GLIS3: variants seen among roughly 807,000 people sequenced by gnomAD.
GLIS3 encodes GLIS family zinc finger 3.
GLIS3 carries 53 observed loss-of-function variants against 78.6 expected under a neutral mutation model. The observed-to-expected ratio is 0.67, with a 90% CI of 0.54 to 0.85. The LOEUF (loss-of-function observed/expected upper bound fraction) is 0.85. Ranked by LOEUF, GLIS3 falls within the 40% of genes least tolerant of loss-of-function variation. The pLI is 0.00. For synonymous variants in GLIS3, 684 were observed against 509.9 expected (o/e 1.34, Z -4.60); for missense variants, 1,703 against 1,231.1 (o/e 1.38, Z -5.74).
chr9:4,224,114 G>C (rs1166860250), intron 2 of GLIS3, among the ~76,000 whole-genome samples: 1 of 152,086 alleles, frequency 6.6e-6, no homozygotes, highest in African/African-American at 2.4e-5. Flanking sequence ...CACACACAGT[G>C]GGCTCAGAGC....
At chr9:4,260,066 T>C (rs1825362342) in intron 2 of GLIS3, among the ~76,000 whole-genome samples, 1 of 129,916 alleles carries the variant, frequency 7.7e-6, no homozygotes, top group South Asian at 2.5e-4. Flanking sequence ...GAAGGAACGA[T>C]AGTGACCTCT....
At chr9:3,924,593 G>T (rs761321200) in intron 6 of GLIS3, among the ~76,000 whole-genome samples, 1 of 152,162 alleles carries the variant, frequency 6.6e-6, no homozygotes, top group Non-Finnish European at 1.5e-5. Flanking sequence ...TCACAGATCA[G>T]AGAGCCAAGA....
chr9:4,240,200 G>C (rs867915692), intron 2 of GLIS3, among the ~76,000 whole-genome samples: 6 of 151,848 alleles, frequency 4.0e-5, no homozygotes, highest in South Asian at 2.1e-4. Context: ...GGAGGTGGGG[G>C]GGGGGGATGG....
intron 4 of GLIS3, among the ~76,000 whole-genome samples, chr9:4,044,030 G>C (rs1178124872): frequency 1.3e-5 from 2 of 152,160 alleles, no homozygotes; most frequent in African/African-American, 4.8e-5. Flanking sequence ...GGGCCAAGAG[G>C]GCAGAGCAGG....
intron 4 of GLIS3, among the ~76,000 whole-genome samples, chr9:3,998,128 C>T (rs1563932968): frequency 6.6e-6 from 1 of 152,134 alleles, no homozygotes; most frequent in Non-Finnish European, 1.5e-5. Flanking sequence ...ATTCCCATTA[C>T]TCTTTGAGCA....
At chr9:3,865,657 A>C (rs1220415175) in intron 8 of GLIS3, among the ~76,000 whole-genome samples, 1 of 152,226 alleles carries the variant, frequency 6.6e-6, no homozygotes, top group Non-Finnish European at 1.5e-5. Context: ...CTTTCTTGTT[A>C]CTGTCATGAC....
At chr9:4,460,111 T>C in the GLIS3 span, among the ~76,000 whole-genome samples, 1 of 151,996 alleles carries the variant, frequency 6.6e-6, no homozygotes, top group African/African-American at 2.4e-5. Context: ...CAAGCAATTA[T>C]GGCCATGAGG....
the GLIS3 span, among the ~76,000 whole-genome samples, chr9:4,389,195 T>G: frequency 6.6e-6 from 1 of 152,194 alleles, no homozygotes; most frequent in Non-Finnish European, 1.5e-5. Context: ...AGCAATTCAG[T>G]AACTTGTCCA....
chr9:4,069,987 G>A (rs929412551), intron 4 of GLIS3, among the ~76,000 whole-genome samples: 2 of 151,986 alleles, frequency 1.3e-5, no homozygotes, highest in Admixed American at 6.6e-5. Flanking sequence ...GAGACCCAGG[G>A]AACATGGCCT....
upstream of GLIS3, among the ~76,000 whole-genome samples, chr9:4,349,752 G>C (rs2130598406): frequency 6.6e-6 from 1 of 152,254 alleles, no homozygotes; most frequent in South Asian, 2.1e-4. Flanking sequence ...GGGCTTGACA[G>C]CAAAAAGGAA....
At position 3,952,313 on chromosome 9, in the gene GLIS3, A is replaced by C. The variant is rs559013254; in HGVS notation, c.1711-15124T>G. On this transcript the variant is annotated intron_variant, in intron 4 of 10. Coordinates refer to ENST00000381971, the MANE Select transcript of GLIS3 (RefSeq NM_001042413.2). ...CTGGGAAATCGTAATCCACCTCTCT[A>C]CTCTTCCGCTTCCTTGTGGCTGATT... Among the ~76,000 whole-genome samples, 18 of 151,536 alleles carry C rather than the reference A, an allele frequency of 1.2e-4. 1 individual carries two copies. The South Asian group carries it at 3.3e-3, about 28-fold the overall frequency.
In GLIS3 at chr9:4,118,536, T is replaced by C. The variant is rs186538298; in HGVS notation, c.942A>G (p.Ile314Met). Reference sequence around the variant, plus strand: ...ACGTGCGGATGATGGTATTGAAATCTATCCCGATGCCATCGGACAGCGGGG... The same window carrying C: ...ACGTGCGGATGATGGTATTGAAATCCATCCCGATGCCATCGGACAGCGGGG... ...SLSPLSDGIG[I>M]DFNTIIRTSP... The change falls in exon 4 of 11, where the codon ATA becomes ATG. Residue 314 changes from isoleucine (I) to methionine (M), a missense_variant. By Grantham distance (10) the Ile-to-Met change is conservative. Transcript: ENST00000381971. This position sits in a 1 kb window ranked among gnomAD's most constrained non-coding sequence, Gnocchi z 4.7. The C allele has an allele frequency of 6.2e-7, 1 of 1,614,246 alleles. No individual in the cohort carries two copies. Among genetic ancestry groups the C allele is most frequent in the East Asian group, 2.2e-5 (1 of 44,880 alleles).
intron 4 of GLIS3, among the ~76,000 whole-genome samples, chr9:4,030,828 A>G (rs1411879702): frequency 6.6e-6 from 1 of 152,204 alleles, no homozygotes; most frequent in Non-Finnish European, 1.5e-5. Flanking sequence ...CTTTTCAAAT[A>G]TTCTACAATG....
intron 4 of GLIS3, among the ~76,000 whole-genome samples, chr9:3,973,802 T>C (rs1818562401): frequency 6.6e-6 from 1 of 151,980 alleles, no homozygotes; most frequent in Non-Finnish European, 1.5e-5. Flanking sequence ...GCTTGAAAAA[T>C]ACACACCATT....
the GLIS3 span, among the ~76,000 whole-genome samples, chr9:4,480,860 TGGTTTTTTTTCTGAGACAG>T: frequency 6.7e-6 from 1 of 148,856 alleles, no homozygotes; most frequent in Non-Finnish European, 1.5e-5. Context: ...ACCCACCTAC[TGGTTTTTTTTCTGAGACAG>T]GTATTGCTCT....
intron 2 of GLIS3, among the ~76,000 whole-genome samples, chr9:4,255,970 T>C (rs10814900): frequency 0.36 from 54,820 of 151,994 alleles, 10,115 homozygotes; most frequent in Admixed American, 0.41. Context: ...AGGGAGTATA[T>C]GGGAAATCTC....
the GLIS3 span, among the ~76,000 whole-genome samples, chr9:4,468,187 T>G: frequency 1.1e-4 from 16 of 152,038 alleles, no homozygotes; most frequent in South Asian, 3.1e-3. Context: ...ACGGGCAGAG[T>G]GGAACCAAGT....
chr9:4,380,225 G>C, the GLIS3 span, among the ~76,000 whole-genome samples: 28 of 152,178 alleles, frequency 1.8e-4, no homozygotes, highest in Admixed American at 1.8e-3. Flanking sequence ...TTGCCTTCTT[G>C]CCTGCTAATT....
chr9:4,297,979 G>C (rs1049820889), intron 1 of GLIS3, among the ~76,000 whole-genome samples: 1 of 152,154 alleles, frequency 6.6e-6, no homozygotes, highest in African/African-American at 2.4e-5. Context: ...GCCCGGCGGG[G>C]TACGCGCGGC....
Sources: allele counts gnomAD v4.1 joint callset (sites outside exome capture counted in the v4.1 genomes callset), GRCh38; gene constraint gnomAD v4.1.1; non-coding constraint Gnocchi (gnomAD v3.1); transcripts MANE v1.5; gene names NCBI Gene and HGNC (gene_info 2026-07-23, HGNC 2026-07-21).